MAMDC2: variants seen among roughly 807,000 people sequenced by gnomAD.
The protein encoded by MAMDC2 is MAM domain-containing protein 2.
MAMDC2 carries 57 observed loss-of-function variants against 89.8 expected under a neutral mutation model. The observed-to-expected ratio is 0.63, with a 90% CI of 0.51 to 0.79. The LOEUF is 0.79. Ranked by LOEUF, MAMDC2 falls within the 30% of genes least tolerant of loss-of-function variation. The probability of loss-of-function intolerance (pLI) is 0.00; values close to 1 mark genes in which losing one functional copy is unlikely to be tolerated. For synonymous variants in MAMDC2, 313 were observed against 293.4 expected, an observed-to-expected ratio of 1.07 and a Z score of -0.68; for missense variants, 800 against 820.6, an observed-to-expected ratio of 0.97 and a Z score of 0.31.
At chr9:70,132,615 C>T (rs1399513221) in intron 7 of MAMDC2, among the ~76,000 whole-genome samples, 2 of 151,884 alleles carry the variant, frequency 1.3e-5, no homozygotes, top group Non-Finnish European at 2.9e-5. Context: ...TCACAGCTCA[C>T]CACAGCCTCA....
rs143466625 is a variant in MAMDC2 at position 70,048,406 on chromosome 9, C to A, written c.148+3709C>A. ...TCTCCTGCCTCAGCCTCTGGAGTAA[C>A]TGGGGCATGCACCTGTAGTACCATC... is the stretch of plus-strand genomic sequence containing the variant. On this transcript the variant is annotated intron_variant, in intron 2 of 13. Transcript: ENST00000377182. Among the ~76,000 whole-genome samples, 69 of 152,266 alleles carry A rather than the reference C, an allele frequency of 4.5e-4. No individual in the cohort carries two copies. In the East Asian group the frequency reaches 9.5e-3, roughly 21 times the overall value.
intron 4 of MAMDC2, among the ~76,000 whole-genome samples, chr9:70,110,017 C>G (rs1459451925): frequency 6.6e-6 from 1 of 152,172 alleles, no homozygotes; most frequent in Non-Finnish European, 1.5e-5. Context: ...CCTGTACAGT[C>G]TGGATTAATG....
intron 9 of MAMDC2, among the ~76,000 whole-genome samples, chr9:70,149,424 G>T (rs1053996676): frequency 6.6e-6 from 1 of 152,060 alleles, no homozygotes; most frequent in Non-Finnish European, 1.5e-5. Context: ...CTCAAGGAAG[G>T]CCTCAGCTGA....
intron 7 of MAMDC2, among the ~76,000 whole-genome samples, chr9:70,139,136 T>C (rs935598604): frequency 3.3e-5 from 5 of 151,366 alleles, no homozygotes; most frequent in African/African-American, 1.2e-4. Flanking sequence ...TTATTATTAT[T>C]ATACTTTAAG....
At chr9:70,225,682 G>A (rs2033628842) in intron 12 of MAMDC2, 68 bp from the exon 13 acceptor site, 1 of 996,604 alleles carries the variant, frequency 1.0e-6, no homozygotes, top group South Asian at 1.4e-5. Flanking sequence ...ACAAAGCCTG[G>A]ATCTGCCCTG....
chr9:70,123,943 T>A (rs1490439535), intron 5 of MAMDC2, among the ~76,000 whole-genome samples: 1 of 152,230 alleles, frequency 6.6e-6, no homozygotes, highest in Admixed American at 6.5e-5. Flanking sequence ...AGGCAATACA[T>A]GTGTGTTGCT....
chr9:70,112,881 A>G (rs770223412), intron 4 of MAMDC2, 114 bp from the exon 5 acceptor site: 35 of 1,309,162 alleles, frequency 2.7e-5, no homozygotes, highest in Non-Finnish European at 3.7e-5. Context: ...GAAAGGTTGC[A>G]GTGGGCAAAG....
At chr9:70,202,417 G>A (rs1587566356) in intron 11 of MAMDC2, among the ~76,000 whole-genome samples, 1 of 151,950 alleles carries the variant, frequency 6.6e-6, no homozygotes, top group South Asian at 2.1e-4. Flanking sequence ...TGGTCTGAGA[G>A]ATAGTTTGTT....
At chr9:70,114,398 AT>A (rs576531552) in intron 5 of MAMDC2, among the ~76,000 whole-genome samples, 15 of 151,222 alleles carry the variant, frequency 9.9e-5, no homozygotes, top group Non-Finnish European at 1.5e-4. Context: ...AAGGCAGGGG[AT>A]TTTTTTGTGT....
chr9:70,133,121 T>C (rs564797941), intron 7 of MAMDC2, among the ~76,000 whole-genome samples: 16 of 152,222 alleles, frequency 1.1e-4, no homozygotes, highest in Non-Finnish European at 8.8e-5. Context: ...TTTTATAATC[T>C]CTTTATCATT....
chr9:70,096,637 C>T (rs1300064547), intron 2 of MAMDC2, among the ~76,000 whole-genome samples: 1 of 152,066 alleles, frequency 6.6e-6, no homozygotes, highest in Non-Finnish European at 1.5e-5. Context: ...AATTGGGGTT[C>T]TGTAATGAGG....
intron 11 of MAMDC2, among the ~76,000 whole-genome samples, chr9:70,215,766 C>T (rs911755853): frequency 4.6e-5 from 7 of 152,112 alleles, no homozygotes; most frequent in African/African-American, 1.4e-4. Context: ...TTGATGCAGG[C>T]CATATCCTGA....
intron 2 of MAMDC2, among the ~76,000 whole-genome samples, chr9:70,048,719 C>T (rs756832982): frequency 2.0e-5 from 3 of 152,198 alleles, no homozygotes; most frequent in Non-Finnish European, 4.4e-5. Context: ...CAGCTGAAAT[C>T]GGGGCTGCTT....
In MAMDC2 at chr9:70,226,561, T is replaced by G. The variant is rs1438748749; in HGVS notation, c.*529T>G. Reference sequence around the variant, plus strand: ...CTATGTTTTATTCATAGAAATGGAGTATTAATTTTTAATATTTTCACCATA... The same window carrying G: ...CTATGTTTTATTCATAGAAATGGAGGATTAATTTTTAATATTTTCACCATA... On this transcript the variant is annotated 3_prime_UTR_variant, in exon 14 of 14. Transcript: ENST00000377182. The G allele has an allele frequency of 6.6e-6, 1 of 152,500 alleles. No homozygotes were observed. The highest frequency in any genetic ancestry group is 1.5e-5 in the Non-Finnish European group (1 of 67,954). The allele number at this position is 152,500 out of a possible 1,614,324, so 9.4% of individuals were successfully genotyped here. A position where few individuals can be genotyped will look rare whatever the true frequency, so the allele number is the denominator to read the frequency against.
chr9:70,101,058 C>T (rs1828176740), intron 2 of MAMDC2, among the ~76,000 whole-genome samples: 1 of 152,144 alleles, frequency 6.6e-6, no homozygotes, highest in Admixed American at 6.5e-5. Flanking sequence ...ACTGAAAATT[C>T]CCTATAGCCT....
At position 70,140,167 on chromosome 9, in the gene MAMDC2, A is replaced by G. The variant is rs1177009096; in HGVS notation, c.1017A>G (p.Glu339=). The G allele has an allele frequency of 6.3e-7, 1 of 1,594,146 alleles. No individual in the cohort carries two copies. The highest frequency in any genetic ancestry group is 1.8e-5 in the Admixed American group (1 of 54,106). Residue 339 remains glutamate (E), a synonymous_variant, in exon 8 of 14, where the codon GAA becomes GAG. Transcript: ENST00000377182. Reference sequence around the variant, plus strand: ...CAGAACTTCTGTTCAGTGCCGTGGAAGCCAGCTGCAATTTTGAGCAAGATC... The same window carrying G: ...CAGAACTTCTGTTCAGTGCCGTGGAGGCCAGCTGCAATTTTGAGCAAGATC... The part of the protein sequence containing the change: ...NQTELLFSAV[E]ASCNFEQDLC...
chr9:70,216,379 C>G (rs989577142), intron 11 of MAMDC2: 1 of 152,112 alleles, frequency 6.6e-6, no homozygotes, highest in Non-Finnish European at 1.5e-5. Flanking sequence ...CAGACAGGCA[C>G]CATCTTGCTG....
intron 6 of MAMDC2, among the ~76,000 whole-genome samples, chr9:70,127,481 T>C (rs2118348631): frequency 6.6e-6 from 1 of 152,076 alleles, no homozygotes. Context: ...CTTTTCACTT[T>C]GTGCTTTTTG....
At chr9:70,110,153 A>G (rs1369535237) in intron 4 of MAMDC2, among the ~76,000 whole-genome samples, 1 of 152,204 alleles carries the variant, frequency 6.6e-6, no homozygotes. Flanking sequence ...AAAAGCAGAC[A>G]TTGTATTACC....
Sources: allele counts gnomAD v4.1 joint callset (sites outside exome capture counted in the v4.1 genomes callset), GRCh38; gene constraint gnomAD v4.1.1; transcripts MANE v1.5; gene names NCBI Gene and HGNC (gene_info 2026-07-23, HGNC 2026-07-21).